Variants in MYO9A observed in about 807,000 individuals in gnomAD.
MYO9A encodes myosin IXA.
In MYO9A, 103 loss-of-function variants were observed where a neutral mutation model predicts 293.3. That is an observed-to-expected ratio of 0.35 (90% CI 0.30 to 0.41). The LOEUF (loss-of-function observed/expected upper bound fraction) is 0.41. Ranked by LOEUF, MYO9A falls within the 10% of genes least tolerant of loss-of-function variation. MYO9A has a pLI of 1.00. For synonymous variants in MYO9A, 1,001 were observed against 1,035.7 expected, an observed-to-expected ratio of 0.97 and a Z score of 0.64; for missense variants, 2,685 against 3,033.0, an observed-to-expected ratio of 0.89 and a Z score of 2.69.
At chr15:71,961,508 T>C (rs1197583955) in intron 13 of MYO9A, among the ~76,000 whole-genome samples, 1 of 152,216 alleles carries the variant, frequency 6.6e-6, no homozygotes, top group Non-Finnish European at 1.5e-5. Context: ...TATTGTCTCA[T>C]GTAATCTCAT....
At chr15:72,048,456 T>C (rs1296349664) in intron 1 of MYO9A, among the ~76,000 whole-genome samples, 1 of 152,052 alleles carries the variant, frequency 6.6e-6, no homozygotes, top group African/African-American at 2.4e-5. Flanking sequence ...CTATTCACTG[T>C]GGTACTGGTT....
At position 71,884,496 on chromosome 15, in the gene MYO9A, A is replaced by T. The variant is rs970773336; in HGVS notation, c.5256-760T>A. On this transcript the variant is annotated intron_variant, in intron 27 of 41. Coordinates refer to ENST00000356056, the MANE Select transcript of MYO9A (RefSeq NM_006901.4). ...ACAACTTTGCTTTTAACAAACTACT[A>T]TAAATATGTTACAGGTGAAAAACTG... Among the ~76,000 whole-genome samples, 3 of 152,194 alleles carry T rather than the reference A, an allele frequency of 2.0e-5. No individual in the cohort carries two copies. In the East Asian group the frequency reaches 5.8e-4, roughly 29 times the overall value.
chr15:72,076,619 T>C (rs1462549460), intron 1 of MYO9A, among the ~76,000 whole-genome samples: 1 of 152,158 alleles, frequency 6.6e-6, no homozygotes, highest in Non-Finnish European at 1.5e-5. Flanking sequence ...AATGTAGATA[T>C]ACCATGTTCA....
At chr15:71,851,855 A>C (rs1022864505) in intron 36 of MYO9A, among the ~76,000 whole-genome samples, 3 of 152,176 alleles carry the variant, frequency 2.0e-5, no homozygotes, top group Non-Finnish European at 1.5e-5. Flanking sequence ...TTAATATTTT[A>C]ATCTGTTTTA....
chr15:71,831,843 T>TA (rs1488954778), intron 39 of MYO9A, among the ~76,000 whole-genome samples: 1 of 152,154 alleles, frequency 6.6e-6, no homozygotes, highest in African/African-American at 2.4e-5. Flanking sequence ...AGACTCCAGA[T>TA]ATTGTGGCTA....
chr15:71,879,602 C>T, intron 30 of MYO9A, 119 bp downstream of exon 30: 1 of 705,844 alleles, frequency 1.4e-6, no homozygotes, highest in Non-Finnish European at 2.3e-6. Context: ...ATCCCTAAAA[C>T]AAAAACAAGG....
chr15:72,018,637 G>T (rs1335543257), intron 6 of MYO9A, among the ~76,000 whole-genome samples: 1 of 151,718 alleles, frequency 6.6e-6, no homozygotes, highest in East Asian at 1.9e-4. Flanking sequence ...GCAATTTTTT[G>T]AAATAAACAA....
chr15:71,960,418 C>T, intron 13 of MYO9A: 1 of 257,908 alleles, frequency 3.9e-6, no homozygotes, highest in South Asian at 7.1e-5. Context: ...TCCACTTTGC[C>T]TTCCACCACA....
chr15:72,083,500 C>T (rs139107108), intron 1 of MYO9A, among the ~76,000 whole-genome samples: 219 of 152,284 alleles, frequency 1.4e-3, no homozygotes, highest in African/African-American at 4.6e-3. Context: ...GTGTCTCAAT[C>T]TCCTGCCATT....
chr15:71,827,513 AAAAAC>A (rs143023398), intron 41 of MYO9A, among the ~76,000 whole-genome samples: 3,759 of 152,226 alleles, frequency 0.025, 148 homozygotes, highest in African/African-American at 0.086. Context: ...TAAATTACCA[AAAAAC>A]AAAACAAAAC....
In MYO9A at chr15:72,027,787, A is replaced by G. The variant is rs201479342; in HGVS notation, c.942T>C (p.Tyr314=). ...ACTTCTCCAGTAGATATTTTTCAAC[A>G]TAGGCACTACAAGAAAAATTAAATT... is the stretch of plus-strand genomic sequence containing the variant. ...YQETGTVLGA[Y]VEKYLLEKSR... The change falls in exon 4 of 42, where the codon TAT becomes TAC. Residue 314 remains tyrosine, a synonymous_variant. Transcript: ENST00000356056. The G allele has an allele frequency of 3.1e-6, 5 of 1,604,722 alleles. No homozygotes were observed. The Admixed American group carries it at 8.6e-5, about 28-fold the overall frequency.
chr15:72,044,971 G>A (rs895364483), intron 2 of MYO9A, among the ~76,000 whole-genome samples: 4 of 149,834 alleles, frequency 2.7e-5, no homozygotes, highest in South Asian at 2.1e-4. Context: ...CCTTTTTTGC[G>A]TTCCCATCTT....
chr15:72,057,649 G>A (rs1366548349), intron 1 of MYO9A, among the ~76,000 whole-genome samples: 4 of 152,124 alleles, frequency 2.6e-5, no homozygotes, highest in East Asian at 1.9e-4. Flanking sequence ...TGCAACTGTC[G>A]GAAAAGAAGC....
Position 71,857,604 on chromosome 15 carries a change from GTTAGT to G in MYO9A, c.6153+2126_6153+2130del, listed in dbSNP as rs1468351828. ...GAAAAACAGAGTATGTGCACCTTGA[GTTAGT>G]TTAATCTATTTTTGAACTTTGTTTA... On this transcript the variant is annotated intron_variant, in intron 34 of 41. Coordinates refer to ENST00000356056, the MANE Select transcript of MYO9A (RefSeq NM_006901.4). Among the ~76,000 whole-genome samples the G allele has an allele frequency of 5.9e-5, 9 of 151,600 alleles. No homozygotes were observed. In the South Asian group the frequency reaches 1.3e-3, roughly 21 times the overall value.
In MYO9A at chr15:71,991,155, G is replaced by C; in HGVS notation, c.1670C>G (p.Ala557Gly). ...AAAGTAGTGCTGTAAACGTTCATTA[G>C]CAAAATTAATACAGAACTGTTCAAA... ...NSFEQFCINF[A>G]NERLQHYFNQ... Residue 557 changes from alanine (A) to glycine (G), a missense_variant, in exon 11 of 42, where the codon GCT becomes GGT. Coordinates refer to ENST00000356056, the MANE Select transcript of MYO9A (RefSeq NM_006901.4). 1 of 1,607,474 alleles carries C rather than the reference G, an allele frequency of 6.2e-7. No individual in the cohort carries two copies. The highest frequency in any genetic ancestry group is 1.1e-5 in the South Asian group (1 of 89,556).
chr15:71,854,298 T>C lies in MYO9A; in HGVS notation c.6346+79A>G, dbSNP rs1014935941. On this transcript the variant is annotated intron_variant, in intron 35 of 41. Transcript: ENST00000356056. Reference sequence around the variant, plus strand: ...CTGGCTGCTAAGTAAAGGATTGACATGTAATGAAAACTTTAAGAGCATGAA... The same window carrying C: ...CTGGCTGCTAAGTAAAGGATTGACACGTAATGAAAACTTTAAGAGCATGAA... The C allele has an allele frequency of 1.4e-5, 15 of 1,101,402 alleles. No homozygotes were observed. In the Admixed American group the frequency reaches 1.7e-4, roughly 13 times the overall value. 68.2% of individuals were successfully genotyped at this position (1,101,402 alleles called of 1,614,324 possible). A position where few individuals can be genotyped will look rare whatever the true frequency, so the allele number is the denominator to read the frequency against.
At chr15:71,921,674 A>C (rs2058158418) in intron 18 of MYO9A, among the ~76,000 whole-genome samples, 1 of 152,220 alleles carries the variant, frequency 6.6e-6, no homozygotes. Flanking sequence ...AATGAATTAA[A>C]AGTAGTAAGA....
intron 38 of MYO9A, 65 bp downstream of exon 38, chr15:71,849,971 G>C: frequency 8.6e-7 from 1 of 1,167,828 alleles, no homozygotes; most frequent in South Asian, 1.4e-5. Flanking sequence ...TTTGATATCT[G>C]GATACAGTGA....
chr15:72,083,246 A>C (rs2079608861), intron 1 of MYO9A, among the ~76,000 whole-genome samples: 1 of 152,110 alleles, frequency 6.6e-6, no homozygotes, highest in Admixed American at 6.6e-5. Flanking sequence ...GTTGAGTCTT[A>C]GGAAGGTGTA....
Sources: allele counts gnomAD v4.1 joint callset (sites outside exome capture counted in the v4.1 genomes callset), GRCh38; gene constraint gnomAD v4.1.1; transcripts MANE v1.5; gene names NCBI Gene and HGNC (gene_info 2026-07-23, HGNC 2026-07-21).